The following RGPD2 variants were observed in gnomAD, a reference collection of about 807,000 sequenced individuals.
RGPD2 encodes RANBP2-like and GRIP domain-containing protein 2.
RGPD2 carries 2 observed loss-of-function variants against 36.0 expected under a neutral mutation model. The ratio of observed to expected loss-of-function variants is 0.06; its 90% CI spans 0.02 to 0.17. RGPD2 has a LOEUF of 0.17. RGPD2 is among the 10% of genes least tolerant of loss of function. RGPD2 has a pLI of 1.00. For synonymous variants in RGPD2, 19 were observed against 163.8 expected, an observed-to-expected ratio of 0.12 and a Z score of 6.75; for missense variants, 40 against 464.3, an observed-to-expected ratio of 0.09 and a Z score of 8.40.
the RGPD2 span, among the ~76,000 whole-genome samples, chr2:87,917,215 A>G: frequency 6.7e-6 from 1 of 149,568 alleles, no homozygotes; most frequent in African/African-American, 2.5e-5. Flanking sequence ...AGGAAGTCAG[A>G]AAAAAAATTA....
upstream of RGPD2, among the ~76,000 whole-genome samples, chr2:87,826,189 T>C (rs1686805972): frequency 6.6e-6 from 1 of 152,218 alleles, no homozygotes; most frequent in Non-Finnish European, 1.5e-5. Flanking sequence ...GTAAAGTCTA[T>C]AGGAACACAC....
the RGPD2 span, among the ~76,000 whole-genome samples, chr2:87,923,622 A>G: frequency 6.7e-6 from 1 of 150,052 alleles, no homozygotes; most frequent in African/African-American, 2.5e-5. Context: ...ACAATTTTGG[A>G]AAATCACTAA....
At chr2:87,928,962 C>T in the RGPD2 span, among the ~76,000 whole-genome samples, 14 of 151,522 alleles carry the variant, frequency 9.2e-5, no homozygotes, top group South Asian at 2.1e-4. Context: ...CTTTGCTAGA[C>T]GAATAGTTTG....
chr2:87,940,650 G>GTGTA, the RGPD2 span, among the ~76,000 whole-genome samples: 1 of 145,112 alleles, frequency 6.9e-6, no homozygotes, highest in East Asian at 2.0e-4. Flanking sequence ...GTGTGTGTGT[G>GTGTA]TGTGTGACAG....
chr2:87,863,069 G>GT, the RGPD2 span, among the ~76,000 whole-genome samples: 1 of 151,928 alleles, frequency 6.6e-6, no homozygotes, highest in African/African-American at 2.4e-5. Flanking sequence ...TGGAGTGGTG[G>GT]TAACATTCAT....
chr2:87,972,481 G>A, the RGPD2 span, among the ~76,000 whole-genome samples: 1 of 116,710 alleles, frequency 8.6e-6, no homozygotes, highest in African/African-American at 3.4e-5. Context: ...TGATGGGGAT[G>A]TATATGCTCA....
intron 21 of RGPD2, among the ~76,000 whole-genome samples, chr2:87,773,282 AG>A (rs1685186288): frequency 6.8e-6 from 1 of 146,150 alleles, no homozygotes; most frequent in Non-Finnish European, 1.5e-5. Flanking sequence ...CATAGCTTTT[AG>A]TATATTTTCA....
chr2:87,989,424 A>G, the RGPD2 span, among the ~76,000 whole-genome samples: 1 of 152,174 alleles, frequency 6.6e-6, no homozygotes, highest in African/African-American at 2.4e-5. Flanking sequence ...AAGGACATTT[A>G]GTTTTAATGA....
the RGPD2 span, among the ~76,000 whole-genome samples, chr2:87,882,497 T>C: frequency 6.6e-6 from 1 of 152,246 alleles, no homozygotes; most frequent in Non-Finnish European, 1.5e-5. Context: ...TTGATTCCTA[T>C]AGCTTTGTAA....
At chr2:87,864,847 G>A in the RGPD2 span, among the ~76,000 whole-genome samples, 1 of 152,224 alleles carries the variant, frequency 6.6e-6, no homozygotes, top group African/African-American at 2.4e-5. Context: ...TACATGTTCT[G>A]GATATAAATC....
At chr2:87,961,422 C>T in the RGPD2 span, among the ~76,000 whole-genome samples, 659 of 151,896 alleles carry the variant, frequency 4.3e-3, 3 homozygotes, top group Non-Finnish European at 7.0e-3. Context: ...TCTTGCCCGC[C>T]GGGCGCCGTG....
the RGPD2 span, among the ~76,000 whole-genome samples, chr2:87,983,948 T>A: frequency 6.6e-6 from 1 of 152,336 alleles, no homozygotes; most frequent in East Asian, 1.9e-4. Context: ...TATAAGCCTA[T>A]GGCCTTTACT....
the RGPD2 span, among the ~76,000 whole-genome samples, chr2:87,885,471 G>C: frequency 2.6e-5 from 4 of 151,794 alleles, no homozygotes; most frequent in East Asian, 7.7e-4. Context: ...CACTACTTCT[G>C]TTAAATATAG....
the RGPD2 span, among the ~76,000 whole-genome samples, chr2:87,877,363 T>G: frequency 5.3e-5 from 8 of 152,300 alleles, no homozygotes; most frequent in Admixed American, 5.2e-4. Flanking sequence ...TCATATTTAG[T>G]GCTTCCTTTA....
chr2:87,831,369 G>A, the RGPD2 span, among the ~76,000 whole-genome samples: 1 of 151,916 alleles, frequency 6.6e-6, no homozygotes, highest in East Asian at 1.9e-4. Context: ...AGAAAGAGAA[G>A]AGAGAGAAAA....
At chr2:87,875,081 T>C in the RGPD2 span, among the ~76,000 whole-genome samples, 1 of 152,264 alleles carries the variant, frequency 6.6e-6, no homozygotes, top group Non-Finnish European at 1.5e-5. Context: ...TTGCTAAAGT[T>C]GCTTGCCAGC....
At chr2:87,974,067 C>T in the RGPD2 span, among the ~76,000 whole-genome samples, 35 of 151,616 alleles carry the variant, frequency 2.3e-4, no homozygotes, top group Admixed American at 5.9e-4. Flanking sequence ...CAGAGTTCTC[C>T]GGCCGCTCTG....
At chr2:87,903,555 T>TC in the RGPD2 span, among the ~76,000 whole-genome samples, 22 of 151,938 alleles carry the variant, frequency 1.4e-4, no homozygotes, top group African/African-American at 5.3e-4. Flanking sequence ...CATAGGTTCC[T>TC]CCCCCCAGAC....
chr2:87,830,843 C>T, the RGPD2 span, among the ~76,000 whole-genome samples: 9 of 152,046 alleles, frequency 5.9e-5, no homozygotes, highest in Admixed American at 5.9e-4. Context: ...AACCCACCCC[C>T]ATGATTCAAT....
Sources: gnomAD v4.1 joint callset for allele counts (sites outside exome capture counted in the v4.1 genomes callset) on GRCh38, gnomAD v4.1.1 for gene constraint, MANE v1.5 for transcripts, NCBI Gene and HGNC (gene_info 2026-07-23, HGNC 2026-07-21) for gene names.